The following UGT1A5 variants were observed in gnomAD, a reference collection of about 807,000 sequenced individuals.
The protein encoded by UGT1A5 is UDP glucuronosyltransferase family 1 member A5, also known as UDP-glucuronosyltransferase 1A5.
UGT1A5 carries 29 observed loss-of-function variants against 40.3 expected under a neutral mutation model. That is an observed-to-expected ratio of 0.72 (90% CI 0.54 to 0.98). The LOEUF is 0.98. Ranked by LOEUF, UGT1A5 falls within the 50% of genes least tolerant of loss-of-function variation. The pLI is 0.00. For synonymous variants in UGT1A5, 257 were observed against 262.5 expected (o/e 0.98, Z 0.20); for missense variants, 678 against 677.9 (o/e 1.00, Z 0.00).
chr2:233,757,966 T>C (rs1008713784), intron 1 of UGT1A5, among the ~76,000 whole-genome samples: 4 of 152,150 alleles, frequency 2.6e-5, no homozygotes, highest in Admixed American at 6.5e-5. Context: ...GTGTGATTTC[T>C]CAGCCCCTAG....
intron 1 of UGT1A5, among the ~76,000 whole-genome samples, chr2:233,720,850 C>A (rs2076896670): frequency 6.6e-6 from 1 of 150,800 alleles, no homozygotes; most frequent in African/African-American, 2.5e-5. Context: ...GGACTGCAGG[C>A]ATGTGCCACT....
intron 1 of UGT1A5, chr2:233,760,236 A>ATC: frequency 8.2e-6 from 13 of 1,590,176 alleles, no homozygotes; most frequent in Non-Finnish European, 1.1e-5. Context: ...TTTTTGCCAT[A>ATC]TATATATATA....
intron 1 of UGT1A5, chr2:233,760,847 C>G: frequency 6.2e-7 from 1 of 1,614,018 alleles, no homozygotes; most frequent in South Asian, 1.1e-5. Context: ...ACCCAGTGCC[C>G]CAACCCATTC....
At chr2:233,728,118 A>T (rs567951320) in intron 1 of UGT1A5, among the ~76,000 whole-genome samples, 4 of 152,254 alleles carry the variant, frequency 2.6e-5, no homozygotes, top group African/African-American at 9.6e-5. Flanking sequence ...TCCATCTTGA[A>T]ATTTGGACTA....
At chr2:233,742,982 A>G (rs555126231) in intron 1 of UGT1A5, 1 of 227,728 alleles carries the variant, frequency 4.4e-6, no homozygotes, top group South Asian at 6.4e-5. Context: ...TAAGTTTAAT[A>G]AATAGCAAAT....
chr2:233,750,190 A>G (rs1694385448), intron 1 of UGT1A5, among the ~76,000 whole-genome samples: 1 of 151,894 alleles, frequency 6.6e-6, no homozygotes, highest in African/African-American at 2.4e-5. Context: ...TGTTGTGGAC[A>G]ATGAAGTCCA....
At position 233,772,339 on chromosome 2, in the gene UGT1A5, G is replaced by A; in HGVS notation, c.1385G>A (p.Trp462Ter). The change falls in exon 5 of 5, where the codon TGG (tryptophan) becomes TAG (stop). Residue 462 changes from tryptophan to a stop codon, truncating the protein, a stop_gained. Transcript: ENST00000373414. LOFTEE classifies it high-confidence loss of function. ...GAGCCGCTGGACCTGGCCGTGTTCT[G>A]GGTGGAGTTTGTGATGAGGCACAAG... ...PVEPLDLAVF[W>*]VEFVMRHKGA... 2 of 1,614,256 alleles carry A rather than the reference G, an allele frequency of 1.2e-6. No homozygotes were observed. The highest frequency in any genetic ancestry group is 1.7e-6 in the Non-Finnish European group (2 of 1,180,038).
intron 1 of UGT1A5, chr2:233,738,880 T>G (rs1690926968): frequency 6.6e-6 from 1 of 152,168 alleles, no homozygotes; most frequent in Admixed American, 6.5e-5. Context: ...CCAGGGCATG[T>G]CAGAGACCTT....
intron 1 of UGT1A5, chr2:233,747,303 G>T (rs1693616830): frequency 2.5e-6 from 4 of 1,602,128 alleles, no homozygotes; most frequent in Non-Finnish European, 2.6e-6. Context: ...AGAGTGGGAA[G>T]GTGCTGGTGG....
Position 233,719,132 on chromosome 2 carries a change from A to G in UGT1A5, c.867+5274A>G, listed in dbSNP as rs373602050. The G allele has an allele frequency of 5.0e-6, 8 of 1,614,122 alleles. No individual in the cohort carries two copies. The African/African-American group carries it at 6.7e-5, about 13-fold the overall frequency. On this transcript the variant is annotated intron_variant, in intron 1 of 4. Transcript: ENST00000373414. Reference sequence around the variant, plus strand: ...ACACTCAAGGGTTCTTTGAAACAGAACATCTTCTGAAGAGATATTCTAGAA... The same window carrying G: ...ACACTCAAGGGTTCTTTGAAACAGAGCATCTTCTGAAGAGATATTCTAGAA...
chr2:233,748,146 T>TAA, intron 1 of UGT1A5: 1 of 1,606,298 alleles, frequency 6.2e-7, no homozygotes, highest in Non-Finnish European at 8.5e-7. Flanking sequence ...TGTATTTACT[T>TAA]ACAATTGCTT....
intron 1 of UGT1A5, among the ~76,000 whole-genome samples, chr2:233,748,668 G>C (rs1413455817): frequency 6.6e-6 from 1 of 151,746 alleles, no homozygotes; most frequent in East Asian, 1.9e-4. Context: ...TTCCAGAGAG[G>C]GATCTGTGCT....
intron 1 of UGT1A5, among the ~76,000 whole-genome samples, chr2:233,736,629 C>T (rs558858921): frequency 6.6e-6 from 1 of 152,208 alleles, no homozygotes; most frequent in Admixed American, 6.5e-5. Flanking sequence ...CTTTTCTGCT[C>T]TAGTTTCCCC....
chr2:233,743,915 A>G (rs769255302), intron 1 of UGT1A5: 3 of 1,364,544 alleles, frequency 2.2e-6, no homozygotes, highest in East Asian at 4.6e-5. Flanking sequence ...GTAGTCCACC[A>G]TGCTGGATGG....
intron 1 of UGT1A5, among the ~76,000 whole-genome samples, chr2:233,746,241 G>A (rs1177862804): frequency 6.6e-6 from 1 of 151,746 alleles, no homozygotes; most frequent in African/African-American, 2.4e-5. Context: ...ACTGCTAAAA[G>A]ATACAAGGCA....
At chr2:233,750,259 G>C (rs1161591814) in intron 1 of UGT1A5, among the ~76,000 whole-genome samples, 2 of 151,924 alleles carry the variant, frequency 1.3e-5, no homozygotes, top group African/African-American at 2.4e-5. Flanking sequence ...GGTCACCCTT[G>C]CTATGCTTTA....
intron 1 of UGT1A5, chr2:233,721,797 A>C (rs7597496): frequency 3.9e-6 from 2 of 511,786 alleles, no homozygotes; most frequent in African/African-American, 3.9e-5. Context: ...TTTAAAGCAC[A>C]TGCAGCAAAA....
chr2:233,743,704 C>A (rs773531190), intron 1 of UGT1A5: 3 of 1,367,360 alleles, frequency 2.2e-6, no homozygotes, highest in Non-Finnish European at 2.9e-6. Context: ...CCTCCGCCCC[C>A]GCCTCGCCAT....
intron 1 of UGT1A5, chr2:233,721,603 G>A: frequency 5.7e-6 from 1 of 176,650 alleles, no homozygotes; most frequent in Non-Finnish European, 1.2e-5. Context: ...TCAGGTTTAG[G>A]AACAATTTGT....
Sources: gnomAD v4.1 joint callset for allele counts (sites outside exome capture counted in the v4.1 genomes callset) on GRCh38, gnomAD v4.1.1 for gene constraint, MANE v1.5 for transcripts, NCBI Gene and HGNC (gene_info 2026-07-23, HGNC 2026-07-21) for gene names.